The following KCNQ5 variants were observed in gnomAD, a reference collection of about 807,000 sequenced individuals.
KCNQ5 encodes potassium voltage-gated channel subfamily KQT member 5.
Under a neutral mutation model 98.2 loss-of-function variants are expected in KCNQ5, and 30 were observed. The observed-to-expected ratio is 0.31, with a 90% CI of 0.23 to 0.41. The LOEUF is 0.41. Ranked by LOEUF, KCNQ5 falls within the 10% of genes least tolerant of loss-of-function variation. KCNQ5 has a pLI of 1.00. For missense variants in KCNQ5, 835 were observed against 1,182.5 expected (o/e 0.71, Z 4.31); for synonymous variants, 458 against 449.4 (o/e 1.02, Z -0.24).
chr6:73,079,130 C>T (rs1773657910), intron 5 of KCNQ5, among the ~76,000 whole-genome samples: 1 of 152,086 alleles, frequency 6.6e-6, no homozygotes, highest in Admixed American at 6.5e-5. Flanking sequence ...GGCAAGACCC[C>T]ATCCCTACAA....
chr6:72,655,409 T>A (rs1766138551), intron 1 of KCNQ5, among the ~76,000 whole-genome samples: 1 of 152,044 alleles, frequency 6.6e-6, no homozygotes, highest in Non-Finnish European at 1.5e-5. Context: ...AATCTGTCCA[T>A]CACAGTGAGA....
chr6:72,696,776 A>G lies in KCNQ5; in HGVS notation c.398+74189A>G, dbSNP rs547031574. On this transcript the variant is annotated intron_variant, in intron 1 of 13. Transcript: ENST00000370398. ...AACACCTTTGCATAGGAACACTCCC[A>G]GTATCTTAAATATGGCTTACTATAT... Among the ~76,000 whole-genome samples, 61 of 152,328 alleles carry G rather than the reference A, an allele frequency of 4.0e-4. No homozygotes were observed. The South Asian group carries it at 0.012, about 29-fold the overall frequency.
rs1435559981 is a variant in KCNQ5, at chr6:73,194,884, A to G, written c.2269A>G (p.Ile757Val). The G allele has an allele frequency of 1.9e-6, 3 of 1,614,024 alleles. No individual in the cohort carries two copies. The highest frequency in any genetic ancestry group is 2.7e-5 in the African/African-American group (2 of 74,936). ...TLQIPPPLPA[I>V]KHLPRPETLH... ...ACAGATCCCACCTCCTCTCCCAGCC[A>G]TCAAGCATCTGCCCAGGCCAGAAAC... Residue 757 changes from isoleucine to valine, a missense_variant, in exon 14 of 14, where the codon ATC becomes GTC. Transcript: ENST00000370398.
At chr6:73,028,029 A>G (rs868335813) in intron 2 of KCNQ5, among the ~76,000 whole-genome samples, 3 of 152,086 alleles carry the variant, frequency 2.0e-5, no homozygotes, top group East Asian at 1.9e-4. Flanking sequence ...ATTATGGGGG[A>G]AAAAAATTCT....
At chr6:73,107,148 T>A (rs1050264675) in intron 6 of KCNQ5, among the ~76,000 whole-genome samples, 1 of 152,182 alleles carries the variant, frequency 6.6e-6, no homozygotes, top group Non-Finnish European at 1.5e-5. Context: ...GCAGCTTTTG[T>A]GTTTATATTT....
intron 1 of KCNQ5, among the ~76,000 whole-genome samples, chr6:72,938,629 C>A (rs1051842451): frequency 6.6e-6 from 1 of 152,140 alleles, no homozygotes; most frequent in Non-Finnish European, 1.5e-5. Context: ...AAGCAATCTC[C>A]CTGCCTTGGC....
At position 72,748,304 on chromosome 6, in the gene KCNQ5, T is replaced by C. The variant is rs534963187; in HGVS notation, c.398+125717T>C. Among the ~76,000 whole-genome samples, 6 of 152,234 alleles carry C rather than the reference T, an allele frequency of 3.9e-5. No homozygotes were observed. The East Asian group carries it at 1.2e-3, about 29-fold the overall frequency. On this transcript the variant is annotated intron_variant, in intron 1 of 13. Transcript: ENST00000370398. ...AGTGACTTCAGTATCAACTTGTTGG[T>C]TGTATGTAGCCTTTCTGTCACAGAA...
chr6:73,185,865 C>T (rs555815269), intron 11 of KCNQ5, among the ~76,000 whole-genome samples: 2 of 152,114 alleles, frequency 1.3e-5, no homozygotes, highest in Admixed American at 6.6e-5. Context: ...TTAGGACATG[C>T]CTAGTCTTCT....
intron 1 of KCNQ5, among the ~76,000 whole-genome samples, chr6:72,763,458 C>T (rs1396278434): frequency 6.6e-6 from 1 of 152,048 alleles, no homozygotes; most frequent in Non-Finnish European, 1.5e-5. Flanking sequence ...TCCAGTGTTT[C>T]TCCATAAATC....
chr6:73,056,442 A>T (rs1935540), intron 3 of KCNQ5, among the ~76,000 whole-genome samples: 27,993 of 152,114 alleles, frequency 0.18, 4,100 homozygotes, highest in African/African-American at 0.39. Flanking sequence ...ATACAAAACA[A>T]TAACCCTTCT....
chr6:72,853,448 A>G (rs9360605), intron 1 of KCNQ5, among the ~76,000 whole-genome samples: 66,587 of 151,754 alleles, frequency 0.44, 15,211 homozygotes, highest in South Asian at 0.59. Context: ...GCTTCAAGCA[A>G]TTCTCCTGTC....
At chr6:72,840,584 A>C (rs190305142) in intron 1 of KCNQ5, among the ~76,000 whole-genome samples, 4 of 152,066 alleles carry the variant, frequency 2.6e-5, no homozygotes, top group Admixed American at 6.6e-5. Flanking sequence ...TCCCCTTCAA[A>C]ATCTTCCTAC....
intron 1 of KCNQ5, among the ~76,000 whole-genome samples, chr6:72,705,132 A>G (rs1405990540): frequency 6.6e-6 from 1 of 152,132 alleles, no homozygotes; most frequent in African/African-American, 2.4e-5. Context: ...CAAACACATC[A>G]TTCCCCTTAA....
intron 1 of KCNQ5, among the ~76,000 whole-genome samples, chr6:72,997,927 G>A (rs1315976745): frequency 2.0e-5 from 3 of 151,520 alleles, no homozygotes; most frequent in Non-Finnish European, 2.9e-5. Flanking sequence ...CCAAATCACC[G>A]TTAAAGACAC....
At chr6:73,156,184 G>A (rs990644036) in intron 10 of KCNQ5, among the ~76,000 whole-genome samples, 1 of 152,130 alleles carries the variant, frequency 6.6e-6, no homozygotes, top group South Asian at 2.1e-4. Context: ...ACAACCAGCA[G>A]CAGAAAGAAG....
chr6:72,830,949 A>G (rs1475234525), intron 1 of KCNQ5, among the ~76,000 whole-genome samples: 1 of 152,248 alleles, frequency 6.6e-6, no homozygotes, highest in Non-Finnish European at 1.5e-5. Context: ...TCAAAAGAAG[A>G]CATTTATGCA....
At chr6:72,699,092 G>A (rs1768666100) in intron 1 of KCNQ5, among the ~76,000 whole-genome samples, 1 of 152,094 alleles carries the variant, frequency 6.6e-6, no homozygotes, top group Admixed American at 6.5e-5. Context: ...ACACTGTTTT[G>A]GCTGAATCTT....
intron 1 of KCNQ5, among the ~76,000 whole-genome samples, chr6:72,732,549 T>C (rs765768728): frequency 9.9e-5 from 15 of 152,118 alleles, no homozygotes; most frequent in African/African-American, 1.4e-4. Flanking sequence ...TATCTTCAGT[T>C]GGGAATGACT....
chr6:72,862,232 C>G (rs1241600952), intron 1 of KCNQ5, among the ~76,000 whole-genome samples: 1 of 152,084 alleles, frequency 6.6e-6, no homozygotes, highest in East Asian at 1.9e-4. Flanking sequence ...TGTCATGGGC[C>G]CATAGAACTG....
Sources: allele counts gnomAD v4.1 joint callset (sites outside exome capture counted in the v4.1 genomes callset), GRCh38; gene constraint gnomAD v4.1.1; transcripts MANE v1.5; gene names NCBI Gene and HGNC (gene_info 2026-07-23, HGNC 2026-07-21).